Variants in UBE2H observed in about 807,000 individuals in gnomAD.
The protein encoded by UBE2H is ubiquitin conjugating enzyme E2 H.
In UBE2H, 3 loss-of-function variants were observed where a neutral mutation model predicts 29.0. That is an observed-to-expected ratio of 0.10 (90% CI 0.05 to 0.27). The LOEUF (loss-of-function observed/expected upper bound fraction) is 0.27. Among genes scored for constraint, UBE2H ranks in the 10% least tolerant of loss-of-function variants. UBE2H has a pLI of 1.00. For synonymous variants in UBE2H, 69 were observed against 82.9 expected (o/e 0.83, Z 0.91); for missense variants, 68 against 228.2 (o/e 0.30, Z 4.52).
intron 1 of UBE2H, among the ~76,000 whole-genome samples, chr7:129,947,541 A>T (rs1327142182): frequency 1.3e-5 from 2 of 152,224 alleles, no homozygotes; most frequent in Non-Finnish European, 2.9e-5. Flanking sequence ...AAAATACCAA[A>T]GTTAAGTCAA....
In UBE2H at chr7:129,951,963, A is replaced by AG. The variant is rs112188745; in HGVS notation, c.53+539dup. On this transcript the variant is annotated intron_variant, in intron 1 of 6. Transcript: ENST00000355621. ...AACACACAGAGCTCTTTCTTAGAAG[A>AG]GGGGGCCCTGAGCAGGAGACTCTCT... Among the ~76,000 whole-genome samples, 406 of 152,274 alleles carry AG rather than the reference A, an allele frequency of 2.7e-3. 1 individual carries two copies. The highest frequency in any genetic ancestry group is 9.4e-3 in the African/African-American group (390 of 41,546).
chr7:129,943,652 A>C (rs1208595323), intron 1 of UBE2H, among the ~76,000 whole-genome samples: 2 of 152,210 alleles, frequency 1.3e-5, no homozygotes, highest in South Asian at 2.1e-4. Context: ...CTGTAATCCC[A>C]GTACTTGAGA....
At chr7:129,902,418 T>C (rs1806735052) in intron 1 of UBE2H, among the ~76,000 whole-genome samples, 1 of 152,176 alleles carries the variant, frequency 6.6e-6, no homozygotes, top group Non-Finnish European at 1.5e-5. Flanking sequence ...GGAGAATCGC[T>C]TGGACCTGGG....
chr7:129,948,809 A>T (rs1047335851), intron 1 of UBE2H: 1 of 267,634 alleles, frequency 3.7e-6, no homozygotes, highest in Non-Finnish European at 7.7e-6. Flanking sequence ...TTTAACCTTA[A>T]TTTTTCTAAA....
At chr7:129,860,317 A>G (rs1805777045) in intron 3 of UBE2H, among the ~76,000 whole-genome samples, 1 of 152,188 alleles carries the variant, frequency 6.6e-6, no homozygotes, top group Non-Finnish European at 1.5e-5. Flanking sequence ...GGCCTATGTG[A>G]TGTTTAAGTT....
intron 5 of UBE2H, among the ~76,000 whole-genome samples, chr7:129,842,815 A>G (rs1451821144): frequency 6.6e-6 from 1 of 151,874 alleles, no homozygotes; most frequent in East Asian, 2.0e-4. Context: ...AGGCAGGAGA[A>G]TTGCTTGAAC....
chr7:129,949,229 C>T (rs1807827709), intron 1 of UBE2H: 2 of 308,654 alleles, frequency 6.5e-6, no homozygotes, highest in Admixed American at 8.4e-5. Context: ...AACCGATATT[C>T]CTTTAGGGCA....
intron 1 of UBE2H, among the ~76,000 whole-genome samples, chr7:129,910,517 G>A (rs1364443731): frequency 6.6e-6 from 1 of 152,114 alleles, no homozygotes; most frequent in South Asian, 2.1e-4. Context: ...CCATCAAACC[G>A]ATTTTTATAC....
rs61226846 is a variant in UBE2H, at chr7:129,836,879, C to CAAAAAAAAAAAAAAAA, written c.428-1834_428-1819dup. Among the ~76,000 whole-genome samples, 260 of 73,702 alleles carry CAAAAAAAAAAAAAAAA rather than the reference C, an allele frequency of 3.5e-3. 17 individuals are homozygous for CAAAAAAAAAAAAAAAA. Among genetic ancestry groups the CAAAAAAAAAAAAAAAA allele is most frequent in the Non-Finnish European group, 5.3e-3 (204 of 38,336 alleles). 48.4% of individuals were successfully genotyped at this position (73,702 alleles called of 152,430 possible). Reference sequence around the variant, plus strand: ...TAGGCGACAGGGCAAGACTCCGTCTCAAAAAAAAAAAAAAAAAAAAAAAAA... The same window carrying CAAAAAAAAAAAAAAAA: ...TAGGCGACAGGGCAAGACTCCGTCTCAAAAAAAAAAAAAAAAAAAAAAAAAAAAAAAAAAAAAAAAA... On this transcript the variant is annotated intron_variant, in intron 6 of 6. Coordinates refer to ENST00000355621, the MANE Select transcript of UBE2H (RefSeq NM_003344.4).
intron 1 of UBE2H, among the ~76,000 whole-genome samples, chr7:129,950,926 T>C (rs556818228): frequency 1.3e-5 from 2 of 152,282 alleles, no homozygotes; most frequent in African/African-American, 4.8e-5. Context: ...TGAACATATA[T>C]TGGGTACACT....
chr7:129,867,102 T>C (rs2708637), intron 3 of UBE2H, among the ~76,000 whole-genome samples: 87,872 of 152,126 alleles, frequency 0.58, 25,979 homozygotes, highest in Middle Eastern at 0.69. Context: ...TTTACATATG[T>C]TTCCCATAAC....
intron 4 of UBE2H, 104 bp downstream of exon 4, chr7:129,858,798 C>T: frequency 1.9e-6 from 2 of 1,039,350 alleles, no homozygotes; most frequent in South Asian, 1.4e-5. Context: ...AGTCCTACCT[C>T]CTGATAAGGT....
At chr7:129,936,468 C>A (rs1012129617) in intron 1 of UBE2H, among the ~76,000 whole-genome samples, 1 of 151,326 alleles carries the variant, frequency 6.6e-6, no homozygotes, top group African/African-American at 2.4e-5. Context: ...GTGGCGGGCG[C>A]CTGTAGTCCC....
At chr7:129,862,321 A>G (rs1805818224) in intron 3 of UBE2H, among the ~76,000 whole-genome samples, 1 of 152,252 alleles carries the variant, frequency 6.6e-6, no homozygotes, top group Non-Finnish European at 1.5e-5. Context: ...AGCAACGTCT[A>G]TGGCAAAGGT....
At chr7:129,910,742 T>TCCAC (rs1212251049) in intron 1 of UBE2H, among the ~76,000 whole-genome samples, 1 of 151,712 alleles carries the variant, frequency 6.6e-6, no homozygotes, top group Non-Finnish European at 1.5e-5. Flanking sequence ...ATTAGCCAGG[T>TCCAC]GTGGTGGTGG....
intron 5 of UBE2H, among the ~76,000 whole-genome samples, chr7:129,848,963 T>C (rs1805560649): frequency 6.6e-6 from 1 of 151,058 alleles, no homozygotes; most frequent in Admixed American, 6.6e-5. Flanking sequence ...CTATAATTAA[T>C]AGATCTTTAC....
chr7:129,887,936 G>T (rs113010792), intron 1 of UBE2H, among the ~76,000 whole-genome samples: 4 of 152,072 alleles, frequency 2.6e-5, no homozygotes, highest in African/African-American at 9.7e-5. Context: ...ACTTTACATT[G>T]AAAGAGAAGC....
chr7:129,852,184 C>T (rs1383871814), intron 5 of UBE2H, among the ~76,000 whole-genome samples: 1 of 152,200 alleles, frequency 6.6e-6, no homozygotes, highest in Non-Finnish European at 1.5e-5. Flanking sequence ...AAACAGCATG[C>T]ACTAATCCAG....
At chr7:129,923,412 T>C (rs1807205536) in intron 1 of UBE2H, among the ~76,000 whole-genome samples, 1 of 152,208 alleles carries the variant, frequency 6.6e-6, no homozygotes, top group African/African-American at 2.4e-5. Flanking sequence ...CAGAGTTTGT[T>C]CTGCAATATC....
Sources: allele counts gnomAD v4.1 joint callset (sites outside exome capture counted in the v4.1 genomes callset), GRCh38; gene constraint gnomAD v4.1.1; transcripts MANE v1.5; gene names NCBI Gene and HGNC (gene_info 2026-07-23, HGNC 2026-07-21).